FAM221A: variants seen among roughly 807,000 people sequenced by gnomAD.
The protein encoded by FAM221A is protein FAM221A.
FAM221A carries 43 observed loss-of-function variants against 37.6 expected under a neutral mutation model. The ratio of observed to expected loss-of-function variants is 1.15; its 90% CI spans 0.90 to 1.48. The LOEUF (loss-of-function observed/expected upper bound fraction) is 1.48, where lower values mean the gene tolerates loss of function less well. Among genes scored for constraint, FAM221A ranks in the 40% most tolerant of loss-of-function variants. The pLI, the probability that FAM221A is intolerant of heterozygous loss-of-function variation, is 0.00. For missense variants in FAM221A, 361 were observed against 361.5 expected, an observed-to-expected ratio of 1.00 and a Z score of 0.01; for synonymous variants, 135 against 132.9, an observed-to-expected ratio of 1.02 and a Z score of -0.11.
chr7:23,691,090 C>G (rs1228609093), intron 3 of FAM221A, among the ~76,000 whole-genome samples: 1 of 152,112 alleles, frequency 6.6e-6, no homozygotes, highest in Non-Finnish European at 1.5e-5. Flanking sequence ...CCACTGGGCT[C>G]TCCCCGCCAT....
At chr7:23,699,535 C>CTT (rs57930152) in intron 5 of FAM221A, among the ~76,000 whole-genome samples, 8,229 of 64,192 alleles carry the variant, frequency 0.13, 675 homozygotes, top group Non-Finnish European at 0.15. Flanking sequence ...TCACCTTTTC[C>CTT]TTTTTTTTTT....
chr7:23,693,717 A>G (rs1453748572), intron 4 of FAM221A: 3 of 151,424 alleles, frequency 2.0e-5, no homozygotes, highest in African/African-American at 7.3e-5. Context: ...TCTGTAATTT[A>G]TTTTTTGTGA....
intron 4 of FAM221A, among the ~76,000 whole-genome samples, chr7:23,697,673 T>C (rs1785142328): frequency 6.6e-6 from 1 of 152,248 alleles, no homozygotes; most frequent in Non-Finnish European, 1.5e-5. Context: ...AGGTACATAA[T>C]ATTCTTTTTT....
In FAM221A at chr7:23,691,472, T is replaced by G. The variant is rs752948267; in HGVS notation, c.513T>G (p.Thr171=). The G allele has an allele frequency of 6.2e-7, 1 of 1,614,240 alleles. No individual in the cohort carries two copies. The highest frequency in any genetic ancestry group is 1.7e-5 in the Admixed American group (1 of 60,024). ...PAYAHDTVVE[T]KQERLAQEKP... The stretch of plus-strand genomic sequence containing the variant: ...ATGCCCATGACACAGTAGTGGAAAC[T>G]AAGCAAGAAAGATTGGCTCAGGAAA... Residue 171 remains threonine, a synonymous_variant, in exon 4 of 7, where the codon ACT becomes ACG. Transcript: ENST00000344962.
chr7:23,684,395 A>ACATCTGT, intron 1 of FAM221A, 104 bp from the exon 2 acceptor site: 93 of 922,452 alleles, frequency 1.0e-4, no homozygotes, highest in Non-Finnish European at 1.4e-4. Context: ...CAGATTTACA[A>ACATCTGT]AATAAAAGCT....
In FAM221A at chr7:23,685,246, TCAAAACAAAG is replaced by T. The variant is rs1358864073; in HGVS notation, c.239+584_239+593del. Among the ~76,000 whole-genome samples the T allele has an allele frequency of 2.2e-3, 303 of 140,150 alleles. 1 individual carries two copies. The highest frequency in any genetic ancestry group is 2.7e-3 in the Non-Finnish European group (177 of 65,596). The allele number at this position is 140,150 out of a possible 152,430, so 91.9% of individuals were successfully genotyped here. On this transcript the variant is annotated intron_variant, in intron 2 of 6. Coordinates refer to ENST00000344962, the MANE Select transcript of FAM221A (RefSeq NM_199136.5). ...CTGAGTGGCAGTGTGAGACTCTGTC[TCAAAACAAAG>T]CAAAACAAAACAAAACAAAACAAAA...
intron 1 of FAM221A, among the ~76,000 whole-genome samples, chr7:23,682,305 A>G (rs1214446995): frequency 6.6e-6 from 1 of 151,006 alleles, no homozygotes; most frequent in Admixed American, 6.6e-5. Context: ...GCCTCAAGCA[A>G]TCCTCCCACC....
intron 2 of FAM221A, chr7:23,687,469 TG>T (rs1373635299): frequency 6.6e-6 from 1 of 152,198 alleles, no homozygotes; most frequent in Non-Finnish European, 1.5e-5. Context: ...GTGTGTATAA[TG>T]TAGCTGATGT....
chr7:23,690,360 A>T (rs1450703425), intron 3 of FAM221A, among the ~76,000 whole-genome samples: 3 of 151,334 alleles, frequency 2.0e-5, no homozygotes, highest in Non-Finnish European at 4.4e-5. Flanking sequence ...GCCCGCCACC[A>T]CGCCCGGCTA....
At chr7:23,697,109 A>G (rs1456860998) in intron 4 of FAM221A, among the ~76,000 whole-genome samples, 1 of 152,170 alleles carries the variant, frequency 6.6e-6, no homozygotes, top group African/African-American at 2.4e-5. Context: ...CAACTTATTA[A>G]ATACAAGTTG....
At chr7:23,686,329 T>C in intron 2 of FAM221A, 1 of 424,744 alleles carries the variant, frequency 2.4e-6, no homozygotes, top group South Asian at 1.7e-5. Flanking sequence ...AGTGGCACGA[T>C]CTTGGCTCAT....
At chr7:23,702,036 G>GTT in intron 6 of FAM221A, 60 bp from the exon 7 acceptor site, 2 of 1,212,258 alleles carry the variant, frequency 1.6e-6, no homozygotes, top group South Asian at 1.6e-5. Flanking sequence ...TTTTCTGCAA[G>GTT]TTTTTTTTCT....
At chr7:23,699,114 A>AT (rs1562529465) in intron 5 of FAM221A, among the ~76,000 whole-genome samples, 247 of 144,850 alleles carry the variant, frequency 1.7e-3, no homozygotes, top group African/African-American at 6.2e-3. Flanking sequence ...CCAATGCTGG[A>AT]ATTTTTTTTT....
chr7:23,680,338 TG>T (rs1163496547), intron 1 of FAM221A, 55 bp downstream of exon 1: 1 of 1,436,214 alleles, frequency 7.0e-7, no homozygotes, highest in Non-Finnish European at 9.3e-7. Context: ...CCAGGATCCC[TG>T]GGCTGGGGGC....
At position 23,689,418 on chromosome 7, in the gene FAM221A, C is replaced by T. The variant is rs764999905; in HGVS notation, c.389C>T (p.Ala130Val). The T allele has an allele frequency of 4.4e-5, 70 of 1,599,954 alleles. No individual in the cohort carries two copies. Among genetic ancestry groups the T allele is most frequent in the Non-Finnish European group, 5.6e-5 (65 of 1,168,930 alleles). ...QPIRCRCKHF[A>V]DQHSAAPGFT... ...ATTCGCTGCAGGTGCAAACACTTTG[C>T]TGATCAGCACAGTGCTGCGCCTGGC... is the stretch of plus-strand genomic sequence containing the variant. Residue 130 changes from alanine (A) to valine (V), a missense_variant, in exon 3 of 7, where the codon GCT becomes GTT. By Grantham distance (64) the Ala-to-Val change is moderately conservative. Coordinates refer to ENST00000344962, the MANE Select transcript of FAM221A (RefSeq NM_199136.5).
chr7:23,692,821 A>C (rs1584272605), intron 4 of FAM221A: 1 of 794,940 alleles, frequency 1.3e-6, no homozygotes, highest in Non-Finnish European at 1.5e-6. Context: ...TTACTTTTTA[A>C]TTTTTAAAAA....
At chr7:23,686,247 TC>T (rs1472895818) in intron 2 of FAM221A, 1 of 430,744 alleles carries the variant, frequency 2.3e-6, no homozygotes, top group Non-Finnish European at 4.6e-6. Flanking sequence ...GACTTGAACG[TC>T]AGAATTGATC....
At chr7:23,698,587 A>G (rs1785207321) in intron 5 of FAM221A, among the ~76,000 whole-genome samples, 1 of 152,174 alleles carries the variant, frequency 6.6e-6, no homozygotes, top group African/African-American at 2.4e-5. Flanking sequence ...GTGTTTGAAT[A>G]AGAGGGCCTT....
In FAM221A at chr7:23,684,504, T is replaced by C. The variant is rs199724461; in HGVS notation, c.71T>C (p.Val24Ala). 17 of 1,590,376 alleles carry C rather than the reference T, an allele frequency of 1.1e-5. No homozygotes were observed. In the East Asian group the frequency reaches 2.5e-4, roughly 23 times the overall value. Residue 24 changes from valine (V) to alanine (A), a missense_variant, in exon 2 of 7, where the codon GTT (valine) becomes GCT (alanine). By Grantham distance (64) the Val-to-Ala change is moderately conservative. Transcript: ENST00000344962. ...VDEYLEYRRI[V>A]GEDDGGKLFT... is the part of the protein sequence containing the mutation. ...AATATATATTTTTGTTGTAGAATTG[T>C]TGGTGAGGATGATGGAGGGAAACTT... is the stretch of plus-strand genomic sequence containing the variant.
Sources: gnomAD v4.1 joint callset for allele counts (sites outside exome capture counted in the v4.1 genomes callset) on GRCh38, gnomAD v4.1.1 for gene constraint, MANE v1.5 for transcripts, NCBI Gene and HGNC (gene_info 2026-07-23, HGNC 2026-07-21) for gene names.